MAGI2: variants seen among roughly 807,000 people sequenced by gnomAD.
MAGI2 encodes membrane-associated guanylate kinase, WW and PDZ domain-containing protein 2.
A neutral mutation model predicts 133.3 loss-of-function variants in MAGI2; 35 were observed. That is an observed-to-expected ratio of 0.26 (90% CI 0.20 to 0.35). The LOEUF (loss-of-function observed/expected upper bound fraction) is 0.35. MAGI2 is among the 10% of genes least tolerant of loss of function. MAGI2 has a pLI of 1.00. For missense variants in MAGI2, 1,636 were observed against 1,863.4 expected (o/e 0.88, Z 2.25); for synonymous variants, 729 against 710.6 (o/e 1.03, Z -0.41).
intron 2 of MAGI2, among the ~76,000 whole-genome samples, chr7:78,754,198 A>G (rs1260434264): frequency 6.6e-6 from 1 of 151,814 alleles, no homozygotes; most frequent in Non-Finnish European, 1.5e-5. Flanking sequence ...GCAACATAGC[A>G]AAACCCTGCT....
intron 6 of MAGI2, among the ~76,000 whole-genome samples, chr7:78,422,100 G>C (rs1393332704): frequency 1.3e-5 from 2 of 152,122 alleles, no homozygotes; most frequent in East Asian, 3.9e-4. Context: ...AGTCATTGTA[G>C]TTTAAAGCTC....
intron 1 of MAGI2, among the ~76,000 whole-genome samples, chr7:79,191,402 C>CTTTT (rs71095386): frequency 0.016 from 354 of 22,322 alleles, 22 homozygotes; most frequent in Non-Finnish European, 0.019. Flanking sequence ...CTTTTTCTTT[C>CTTTT]TTTTTTTTTT....
At chr7:79,059,863 C>T (rs985432701) in intron 1 of MAGI2, among the ~76,000 whole-genome samples, 1 of 152,114 alleles carries the variant, frequency 6.6e-6, no homozygotes, top group African/African-American at 2.4e-5. Flanking sequence ...CTTCTGCACT[C>T]TGATTGTAAA....
intron 2 of MAGI2, among the ~76,000 whole-genome samples, chr7:78,812,141 A>G (rs912085393): frequency 6.6e-6 from 1 of 152,200 alleles, no homozygotes; most frequent in African/African-American, 2.4e-5. Context: ...GATCCCCTAG[A>G]AAGGAATGCT....
chr7:78,971,593 A>G (rs1803787458), intron 2 of MAGI2, among the ~76,000 whole-genome samples: 1 of 152,032 alleles, frequency 6.6e-6, no homozygotes, highest in African/African-American at 2.4e-5. Context: ...CTTGTATTTT[A>G]TCTGTCAACC....
At chr7:78,213,572 A>G (rs1480018835) in intron 10 of MAGI2, among the ~76,000 whole-genome samples, 1 of 152,210 alleles carries the variant, frequency 6.6e-6, no homozygotes, top group East Asian at 1.9e-4. Flanking sequence ...GTACATGGTG[A>G]ACTACTAATC....
chr7:79,313,560 G>A (rs1475256610), intron 1 of MAGI2, among the ~76,000 whole-genome samples: 1 of 152,024 alleles, frequency 6.6e-6, no homozygotes, highest in African/African-American at 2.4e-5. Context: ...TTGCCTTAAA[G>A]GGTATCATTT....
At chr7:79,143,261 C>T (rs1052792429) in intron 1 of MAGI2, among the ~76,000 whole-genome samples, 1 of 152,016 alleles carries the variant, frequency 6.6e-6, no homozygotes, top group Non-Finnish European at 1.5e-5. Flanking sequence ...AAACAGCAGA[C>T]GGATGTGGAA....
chr7:78,898,392 T>A (rs899884814), intron 2 of MAGI2, among the ~76,000 whole-genome samples: 1 of 152,128 alleles, frequency 6.6e-6, no homozygotes, highest in African/African-American at 2.4e-5. Context: ...AGTAAAGACA[T>A]GGAATCAACC....
chr7:78,786,347 C>T (rs1001930428), intron 2 of MAGI2, among the ~76,000 whole-genome samples: 4 of 152,192 alleles, frequency 2.6e-5, no homozygotes, highest in African/African-American at 9.7e-5. Flanking sequence ...TTCTGCCCTT[C>T]TTAGCTAGAC....
At chr7:79,419,348 C>G (rs948878145) in intron 1 of MAGI2, among the ~76,000 whole-genome samples, 5 of 151,710 alleles carry the variant, frequency 3.3e-5, no homozygotes, top group South Asian at 4.2e-4. Context: ...TTACCATTTA[C>G]CAATACTATT....
chr7:79,373,227 C>T (rs1308669931), intron 1 of MAGI2, among the ~76,000 whole-genome samples: 1 of 151,634 alleles, frequency 6.6e-6, no homozygotes, highest in East Asian at 1.9e-4. Flanking sequence ...AACTCACATG[C>T]TACATTAAAG....
intron 2 of MAGI2, among the ~76,000 whole-genome samples, chr7:78,976,307 A>AC (rs1486669488): frequency 6.6e-6 from 1 of 151,626 alleles, no homozygotes; most frequent in African/African-American, 2.4e-5. Context: ...TAACATATCA[A>AC]CAGGCCATGG....
intron 6 of MAGI2, among the ~76,000 whole-genome samples, chr7:78,452,882 A>C (rs1486212783): frequency 6.6e-6 from 1 of 152,148 alleles, no homozygotes; most frequent in African/African-American, 2.4e-5. Flanking sequence ...ATATTTTTAA[A>C]ATTTAGAAAA....
chr7:78,938,028 C>G (rs1800652860), intron 2 of MAGI2, among the ~76,000 whole-genome samples: 1 of 151,326 alleles, frequency 6.6e-6, no homozygotes, highest in Non-Finnish European at 1.5e-5. Flanking sequence ...AATATAAATT[C>G]TAGACAGTTT....
intron 2 of MAGI2, among the ~76,000 whole-genome samples, chr7:78,859,764 TC>T (rs1199131591): frequency 6.6e-6 from 1 of 152,200 alleles, no homozygotes; most frequent in African/African-American, 2.4e-5. Context: ...TCTCTGTATT[TC>T]CTGAATTTGA....
At chr7:79,096,377 G>T (rs917394114) in intron 1 of MAGI2, among the ~76,000 whole-genome samples, 1 of 152,120 alleles carries the variant, frequency 6.6e-6, no homozygotes. Context: ...TCCCTGCCAT[G>T]CCCCTTCAAG....
At chr7:78,549,604 A>T (rs924008624) in intron 3 of MAGI2, among the ~76,000 whole-genome samples, 1 of 152,034 alleles carries the variant, frequency 6.6e-6, no homozygotes, top group Non-Finnish European at 1.5e-5. Flanking sequence ...AGTTAATAAA[A>T]TCCATCTTTC....
At chr7:79,022,482 G>A (rs1016678895) in intron 1 of MAGI2, among the ~76,000 whole-genome samples, 4 of 151,712 alleles carry the variant, frequency 2.6e-5, no homozygotes, top group African/African-American at 4.8e-5. Context: ...GAAATAAGAG[G>A]AAATGAAATC....
Sources: gnomAD v4.1 joint callset for allele counts (sites outside exome capture counted in the v4.1 genomes callset) on GRCh38, gnomAD v4.1.1 for gene constraint, MANE v1.5 for transcripts, NCBI Gene and HGNC (gene_info 2026-07-23, HGNC 2026-07-21) for gene names.